ALLC: variants seen among roughly 807,000 people sequenced by gnomAD.
ALLC encodes the protein allantoicase, also known as probable inactive allantoicase.
A neutral mutation model predicts 45.0 loss-of-function variants in ALLC; 40 were observed. That is an observed-to-expected ratio of 0.89 (90% CI 0.69 to 1.16). The LOEUF (loss-of-function observed/expected upper bound fraction) is 1.16, where lower values mean the gene tolerates loss of function less well. Ranked by LOEUF, ALLC falls within the 50% of genes most tolerant of loss-of-function variation. The pLI, the probability that ALLC is intolerant of heterozygous loss-of-function variation, is 0.00. For missense variants in ALLC, 488 were observed against 493.1 expected, an observed-to-expected ratio of 0.99 and a Z score of 0.10; for synonymous variants, 176 against 178.1, an observed-to-expected ratio of 0.99 and a Z score of 0.09.
chr2:3,691,813 T>C (rs1182289542), intron 7 of ALLC, among the ~76,000 whole-genome samples: 1 of 152,192 alleles, frequency 6.6e-6, no homozygotes, highest in Non-Finnish European at 1.5e-5. Flanking sequence ...CTTTTCATTT[T>C]TTTCTCCTCT....
upstream of ALLC, among the ~76,000 whole-genome samples, chr2:3,655,363 C>T (rs577396723): frequency 1.2e-4 from 18 of 152,356 alleles, no homozygotes; most frequent in African/African-American, 4.3e-4. Context: ...AGTTGCCCTA[C>T]CCAGGCTGGC....
At chr2:3,700,674 CACAT>C (rs1181934976) in intron 10 of ALLC, among the ~76,000 whole-genome samples, 1 of 152,158 alleles carries the variant, frequency 6.6e-6, no homozygotes, top group Non-Finnish European at 1.5e-5. Context: ...GCTTAATATA[CACAT>C]ACATATGTAT....
Position 3,702,658 on chromosome 2 carries a change from G to T in ALLC, c.*95G>T. 7.6e-7 allele frequency: 1 copy of T among 1,313,690 alleles called. No individual in the cohort carries two copies. Among genetic ancestry groups the T allele is most frequent in the East Asian group, 2.6e-5 (1 of 38,776 alleles). The allele number at this position is 1,313,690 out of a possible 1,614,324, so 81.4% of individuals were successfully genotyped here. The stretch of plus-strand genomic sequence containing the variant: ...TGAACACCTGGTGATTTAATAAAGT[G>T]GTCGTCTCACAAATTGATCTCTGTA... On this transcript the variant is annotated 3_prime_UTR_variant, in exon 12 of 12. Transcript: ENST00000252505.
At chr2:3,698,652 G>C (rs1667744202) in intron 10 of ALLC, among the ~76,000 whole-genome samples, 1 of 152,202 alleles carries the variant, frequency 6.6e-6, no homozygotes, top group Non-Finnish European at 1.5e-5. Flanking sequence ...TTCTACAATT[G>C]TTATGTGACA....
chr2:3,687,107 T>G (rs1667350713), intron 7 of ALLC, among the ~76,000 whole-genome samples: 1 of 150,942 alleles, frequency 6.6e-6, no homozygotes, highest in South Asian at 2.1e-4. Flanking sequence ...AGGTAGTTTT[T>G]TTTTCTATAC....
At chr2:3,686,161 T>A (rs80236376) in intron 7 of ALLC, among the ~76,000 whole-genome samples, 1 of 151,216 alleles carries the variant, frequency 6.6e-6, no homozygotes, top group East Asian at 2.0e-4. Flanking sequence ...TTGCATAAGG[T>A]GAGAGATAGG....
intron 1 of ALLC, among the ~76,000 whole-genome samples, chr2:3,667,498 T>A (rs1666758163): frequency 6.6e-6 from 1 of 152,172 alleles, no homozygotes; most frequent in East Asian, 1.9e-4. Flanking sequence ...TACATCGCGG[T>A]TGGCCATATG....
chr2:3,693,695 C>T (rs1024543595), intron 7 of ALLC, among the ~76,000 whole-genome samples: 1 of 152,164 alleles, frequency 6.6e-6, no homozygotes, highest in African/African-American at 2.4e-5. Context: ...AGTCCTTGTC[C>T]TTATGAAGTG....
intron 7 of ALLC, 68 bp from the exon 8 acceptor site, chr2:3,695,649 G>A: frequency 6.5e-7 from 1 of 1,546,464 alleles, no homozygotes; most frequent in Non-Finnish European, 8.9e-7. Context: ...AGACAGGAGG[G>A]TCCTGTAGTG....
intron 1 of ALLC, among the ~76,000 whole-genome samples, chr2:3,666,785 G>A (rs1219301417): frequency 1.3e-5 from 2 of 152,134 alleles, no homozygotes; most frequent in Non-Finnish European, 2.9e-5. Context: ...TTGCATGGTG[G>A]GGGCGACGGT....
At chr2:3,666,650 C>T (rs1325602882) in intron 1 of ALLC, among the ~76,000 whole-genome samples, 3 of 152,256 alleles carry the variant, frequency 2.0e-5, no homozygotes, top group African/African-American at 7.2e-5. Flanking sequence ...GCGCAGTCAG[C>T]ATCACCCAGC....
chr2:3,676,343 C>T (rs1366155121), intron 3 of ALLC, among the ~76,000 whole-genome samples: 1 of 152,212 alleles, frequency 6.6e-6, no homozygotes, highest in African/African-American at 2.4e-5. Flanking sequence ...GGTGCAGTGG[C>T]ACGGTCATGG....
At chr2:3,678,401 TG>T in intron 3 of ALLC, 66 bp from the exon 4 acceptor site, 1 of 1,369,528 alleles carries the variant, frequency 7.3e-7, no homozygotes, top group Non-Finnish European at 1.0e-6. Flanking sequence ...GGGACAGAAG[TG>T]GACTTGCTGG....
At chr2:3,679,791 T>G (rs1667124824) in intron 4 of ALLC, 78 bp from the exon 5 acceptor site, 1 of 1,588,208 alleles carries the variant, frequency 6.3e-7, no homozygotes, top group African/African-American at 1.3e-5. Context: ...GTCAGGTGCA[T>G]GTGGGGTGCA....
intron 7 of ALLC, among the ~76,000 whole-genome samples, chr2:3,684,724 A>G (rs1667280508): frequency 6.6e-6 from 1 of 152,202 alleles, no homozygotes. Flanking sequence ...TGTGAATGCC[A>G]TTATTTCATT....
intron 7 of ALLC, chr2:3,689,006 C>T (rs1667404639): frequency 6.6e-6 from 1 of 152,012 alleles, no homozygotes; most frequent in South Asian, 2.1e-4. Context: ...AGGAACCCAG[C>T]TGGCACTGCA....
At chr2:3,667,957 G>A (rs1157719956) in intron 1 of ALLC, among the ~76,000 whole-genome samples, 1 of 152,146 alleles carries the variant, frequency 6.6e-6, no homozygotes, top group Non-Finnish European at 1.5e-5. Flanking sequence ...TAGAGATGGG[G>A]TTTCTCTATA....
intron 10 of ALLC, among the ~76,000 whole-genome samples, chr2:3,700,825 C>T (rs1247553222): frequency 1.3e-5 from 2 of 152,182 alleles, no homozygotes; most frequent in African/African-American, 4.8e-5. Context: ...GGCATGTGAG[C>T]CACAGTCTCC....
chr2:3,686,214 A>G (rs551958452), intron 7 of ALLC, among the ~76,000 whole-genome samples: 1 of 150,976 alleles, frequency 6.6e-6, no homozygotes, highest in African/African-American at 2.4e-5. Context: ...TAGTTTCCCC[A>G]GCACCATTTA....
Sources: allele counts gnomAD v4.1 joint callset (sites outside exome capture counted in the v4.1 genomes callset), GRCh38; gene constraint gnomAD v4.1.1; transcripts MANE v1.5; gene names NCBI Gene and HGNC (gene_info 2026-07-23, HGNC 2026-07-21).